The following NUDT3 variants were observed in gnomAD, a reference collection of about 807,000 sequenced individuals.
The protein encoded by NUDT3 is nudix hydrolase 3, also known as diphosphoinositol polyphosphate phosphohydrolase 1.
NUDT3 carries 9 observed loss-of-function variants against 23.6 expected under a neutral mutation model. That is an observed-to-expected ratio of 0.38 (90% CI 0.23 to 0.66). The LOEUF (loss-of-function observed/expected upper bound fraction) is 0.66, where lower values mean the gene tolerates loss of function less well. Among genes scored for constraint, NUDT3 ranks in the 30% least tolerant of loss-of-function variants. NUDT3 has a pLI of 0.52. For missense variants in NUDT3, 172 were observed against 218.5 expected, an observed-to-expected ratio of 0.79 and a Z score of 1.34; for synonymous variants, 86 against 82.6, an observed-to-expected ratio of 1.04 and a Z score of -0.22.
rs1436276085 is a variant in NUDT3 at position 34,351,005 on chromosome 6, A to G, written c.100-9033T>C. ...GCCAGGCGCAGTGGCTCACATCTGT[A>G]ATCTCAACACTTTGGGATGCGCACT... On this transcript the variant is annotated intron_variant, in intron 1 of 4. Transcript: ENST00000607016. Among the ~76,000 whole-genome samples the G allele has an allele frequency of 2.0e-5, 3 of 149,900 alleles. No homozygotes were observed. The East Asian group carries it at 5.8e-4, about 29-fold the overall frequency.
intron 1 of NUDT3, among the ~76,000 whole-genome samples, chr6:34,354,749 A>ATATATATATATATATATATATATATATT (rs570166534): frequency 5.5e-5 from 8 of 144,534 alleles, no homozygotes; most frequent in African/African-American, 2.0e-4. Flanking sequence ...ATATATATAT[A>ATATATATATATATATATATATATATATT]TATTTATTTA....
In NUDT3 at chr6:34,360,674, C is replaced by T. The variant is rs745977364; in HGVS notation, c.100-18702G>A. ...CTGGAAAAAGTTACTCTTATTCTCTCGCCCTCCGCCACAGACACACATGCA... is the reference window on the plus strand; with the variant it reads ...CTGGAAAAAGTTACTCTTATTCTCTTGCCCTCCGCCACAGACACACATGCA... On this transcript the variant is annotated intron_variant, in intron 1 of 4. Transcript: ENST00000607016. Among the ~76,000 whole-genome samples the T allele has an allele frequency of 3.9e-5, 6 of 152,126 alleles. 1 individual carries two copies. In the East Asian group the frequency reaches 7.7e-4, roughly 20 times the overall value.
At chr6:34,387,953 TGATG>T (rs1765135398) in intron 1 of NUDT3, among the ~76,000 whole-genome samples, 1 of 152,196 alleles carries the variant, frequency 6.6e-6, no homozygotes, top group African/African-American at 2.4e-5. Context: ...GCTCACTCAC[TGATG>T]CACCCAGAGC....
chr6:34,372,112 A>C (rs1022177268), intron 1 of NUDT3, among the ~76,000 whole-genome samples: 3 of 152,122 alleles, frequency 2.0e-5, no homozygotes, highest in Non-Finnish European at 4.4e-5. Context: ...CATGGTGTCT[A>C]TGTGCCATAT....
chr6:34,386,711 T>C (rs529090602), intron 1 of NUDT3, among the ~76,000 whole-genome samples: 21 of 152,192 alleles, frequency 1.4e-4, no homozygotes, highest in Middle Eastern at 3.2e-3. Context: ...GAGATTATAA[T>C]GGAGTTGAGA....
At chr6:34,352,761 T>C (rs1764497038) in intron 1 of NUDT3, among the ~76,000 whole-genome samples, 1 of 152,186 alleles carries the variant, frequency 6.6e-6, no homozygotes, top group Non-Finnish European at 1.5e-5. Flanking sequence ...ATGTACACTG[T>C]CATCTTTATA....
chr6:34,349,456 G>A (rs1384891439), intron 1 of NUDT3, among the ~76,000 whole-genome samples: 1 of 150,602 alleles, frequency 6.6e-6, no homozygotes. Context: ...GAGGAGTTGT[G>A]AAATCATCCT....
At chr6:34,322,749 A>G (rs116714487) in intron 2 of NUDT3, among the ~76,000 whole-genome samples, 2,407 of 152,314 alleles carry the variant, frequency 0.016, 54 homozygotes, top group African/African-American at 0.053. Context: ...AATTATTACA[A>G]ATTTCTTTAG....
chr6:34,293,661 T>C, intron 3 of NUDT3, 126 bp from the exon 4 acceptor site: 1 of 1,112,166 alleles, frequency 9.0e-7, no homozygotes, highest in South Asian at 1.5e-5. Flanking sequence ...TTTTACTTTT[T>C]ATGGTCCTAC....
intron 2 of NUDT3, among the ~76,000 whole-genome samples, chr6:34,299,603 T>A (rs1450578040): frequency 2.2e-5 from 2 of 92,534 alleles, no homozygotes; most frequent in Admixed American, 2.8e-4. Flanking sequence ...TTCTTGAATT[T>A]TTTTTTTTTT....
intron 1 of NUDT3, among the ~76,000 whole-genome samples, chr6:34,360,523 G>C (rs931344701): frequency 6.6e-6 from 1 of 152,024 alleles, no homozygotes; most frequent in Non-Finnish European, 1.5e-5. Flanking sequence ...GCCGTGAGCC[G>C]AGATAATCAA....
intron 2 of NUDT3, among the ~76,000 whole-genome samples, chr6:34,308,225 AGGTG>A (rs1050438559): frequency 2.9e-5 from 4 of 139,916 alleles, no homozygotes; most frequent in African/African-American, 1.1e-4. Flanking sequence ...AGGGAGGCGG[AGGTG>A]GGAGGATCAC....
rs1162561531 is a variant in NUDT3, at chr6:34,392,379, G to C, written c.-17C>G. The C allele has an allele frequency of 8.8e-6, 14 of 1,591,040 alleles. No homozygotes were observed. The highest frequency in any genetic ancestry group is 4.7e-5 in the East Asian group (2 of 42,820). On this transcript the variant is annotated 5_prime_UTR_variant, in exon 1 of 5. Coordinates refer to ENST00000607016, the MANE Select transcript of NUDT3 (RefSeq NM_006703.4). ...CTTCATCATCCTCCGGGCCCGGGTG[G>C]GGGTGCGGTGCGGGTCGCAGGAGTC... is the stretch of plus-strand genomic sequence containing the variant.
At chr6:34,335,411 T>G (rs996670931) in intron 2 of NUDT3, among the ~76,000 whole-genome samples, 2 of 152,124 alleles carry the variant, frequency 1.3e-5, no homozygotes, top group African/African-American at 4.8e-5. Context: ...TTTAAGGGAA[T>G]CAATAAATAT....
chr6:34,317,108 A>T (rs983669499), intron 2 of NUDT3, among the ~76,000 whole-genome samples: 1 of 152,152 alleles, frequency 6.6e-6, no homozygotes, highest in African/African-American at 2.4e-5. Context: ...ATCAAGGATG[A>T]CTTCTAGGTT....
chr6:34,287,338 C>T lies in NUDT3; in HGVS notation c.*1415G>A, dbSNP rs1192880437. On this transcript the variant is annotated 3_prime_UTR_variant, in exon 5 of 5. Coordinates refer to ENST00000607016, the MANE Select transcript of NUDT3 (RefSeq NM_006703.4). ...GGATCAGTCAGTGTAGCCCTCCCTACCCCTCAATCTCAAGACCCTCTTACT... is the reference window on the plus strand; with the variant it reads ...GGATCAGTCAGTGTAGCCCTCCCTATCCCTCAATCTCAAGACCCTCTTACT... The T allele has an allele frequency of 6.6e-6, 1 of 152,148 alleles. No individual in the cohort carries two copies. The highest frequency in any genetic ancestry group is 2.4e-5 in the African/African-American group (1 of 41,398). 9.4% of individuals were successfully genotyped at this position (152,148 alleles called of 1,614,324 possible).
At chr6:34,370,199 T>C (rs1015465596) in intron 1 of NUDT3, among the ~76,000 whole-genome samples, 1 of 152,186 alleles carries the variant, frequency 6.6e-6, no homozygotes, top group African/African-American at 2.4e-5. Context: ...CTACAAGTCA[T>C]CTCCACTATG....
At chr6:34,335,313 C>T (rs73403926) in intron 2 of NUDT3, among the ~76,000 whole-genome samples, 4 of 152,050 alleles carry the variant, frequency 2.6e-5, no homozygotes, top group Non-Finnish European at 4.4e-5. Context: ...ACCTAAGAGT[C>T]GTGGCCTCAT....
chr6:34,392,142 A>C, intron 1 of NUDT3, 122 bp downstream of exon 1: 1 of 661,670 alleles, frequency 1.5e-6, no homozygotes, highest in Non-Finnish European at 2.4e-6. Context: ...TTCCATCGGA[A>C]CTTCATTCCG....
Sources: gnomAD v4.1 joint callset for allele counts (sites outside exome capture counted in the v4.1 genomes callset) on GRCh38, gnomAD v4.1.1 for gene constraint, MANE v1.5 for transcripts, NCBI Gene and HGNC (gene_info 2026-07-23, HGNC 2026-07-21) for gene names.